Variants in C19orf38 observed in about 807,000 individuals in gnomAD.
C19orf38 encodes chromosome 19 open reading frame 38.
A neutral mutation model predicts 26.6 loss-of-function variants in C19orf38; 14 were observed. That is an observed-to-expected ratio of 0.53 (90% CI 0.35 to 0.82). The LOEUF is 0.82. Among genes scored for constraint, C19orf38 ranks in the 40% least tolerant of loss-of-function variants. The pLI is 0.01. For synonymous variants in C19orf38, 132 were observed against 128.5 expected (o/e 1.03, Z -0.18); for missense variants, 261 against 299.5 (o/e 0.87, Z 0.95).
At chr19:10,864,626 C>G (rs774243886) in intron 6 of C19orf38, among the ~76,000 whole-genome samples, 3 of 152,056 alleles carry the variant, frequency 2.0e-5, no homozygotes, top group Non-Finnish European at 4.4e-5. Context: ...TTGGGGAAAG[C>G]GGGGATCAGT....
In C19orf38 at chr19:10,848,451, C is replaced by T. The variant is rs2073535748; in HGVS notation, c.-58C>T. On this transcript the variant is annotated 5_prime_UTR_variant, in exon 1 of 7. Coordinates refer to ENST00000397820, the MANE Select transcript of C19orf38 (RefSeq NM_001136482.3). ...GATCTGGCCTCACAGGAGGAGTTGG[C>T]GGGGAGCCTTGGGCCCCTCTGGCCT... is the stretch of plus-strand genomic sequence containing the variant. 6.5e-6 allele frequency: 10 copies of T among 1,535,720 alleles called. No individual in the cohort carries two copies. The highest frequency in any genetic ancestry group is 3.9e-5 in the Admixed American group (2 of 50,902).
chr19:10,861,937 C>T (rs1014817806), intron 5 of C19orf38, among the ~76,000 whole-genome samples: 1 of 151,890 alleles, frequency 6.6e-6, no homozygotes, highest in Non-Finnish European at 1.5e-5. Flanking sequence ...CTCACTCTGT[C>T]GCCCAGGCTG....
intron 6 of C19orf38, among the ~76,000 whole-genome samples, chr19:10,868,762 T>A (rs1256839638): frequency 6.6e-6 from 1 of 152,186 alleles, no homozygotes; most frequent in Non-Finnish European, 1.5e-5. Flanking sequence ...CACCTCGGTC[T>A]CCCAAAGTGC....
chr19:10,851,931 G>T (rs2073576419), intron 2 of C19orf38, among the ~76,000 whole-genome samples: 1 of 148,516 alleles, frequency 6.7e-6, no homozygotes, highest in Non-Finnish European at 1.5e-5. Flanking sequence ...TTGCGCCACT[G>T]CAGTCCGCAG....
chr19:10,869,384 A>C lies in C19orf38; in HGVS notation c.*17A>C, dbSNP rs1599676212. On this transcript the variant is annotated 3_prime_UTR_variant, in exon 7 of 7. Transcript: ENST00000397820. ...TGCCAGTGAGGCTGAGGACTGGGGGACCCCTCTGTCTCCAGGCATTCGGGG... is the reference window on the plus strand; with the variant it reads ...TGCCAGTGAGGCTGAGGACTGGGGGCCCCCTCTGTCTCCAGGCATTCGGGG... 1 of 1,540,614 alleles carries C rather than the reference A, an allele frequency of 6.5e-7. No individual in the cohort carries two copies. The highest frequency in any genetic ancestry group is 8.8e-7 in the Non-Finnish European group (1 of 1,142,174).
At chr19:10,856,406 G>T in intron 3 of C19orf38, 49 bp downstream of exon 3, 1 of 1,455,842 alleles carries the variant, frequency 6.9e-7, no homozygotes, top group South Asian at 1.2e-5. Context: ...GACAACTTCT[G>T]GAACGTGAAG....
upstream of C19orf38, among the ~76,000 whole-genome samples, chr19:10,844,256 T>C (rs138978524): frequency 0.016 from 2,338 of 146,552 alleles, 29 homozygotes; most frequent in South Asian, 0.02. Context: ...AATACAAAAA[T>C]TAGCCAGGCA....
chr19:10,848,230 C>T (rs2073533902), upstream of C19orf38, among the ~76,000 whole-genome samples: 1 of 152,064 alleles, frequency 6.6e-6, no homozygotes. Flanking sequence ...ATTGTGAAAA[C>T]CACCTAAACA....
At chr19:10,846,862 G>A (rs182852965), upstream of C19orf38, among the ~76,000 whole-genome samples, 149 of 152,326 alleles carry the variant, frequency 9.8e-4, 1 homozygote, top group Admixed American at 9.4e-3. Context: ...TCTAAGTCCA[G>A]AGGGGCCTGG....
chr19:10,858,412 G>T (rs1230592378), intron 4 of C19orf38, 69 bp downstream of exon 4: 1 of 1,423,958 alleles, frequency 7.0e-7, no homozygotes, highest in Non-Finnish European at 9.6e-7. Context: ...GGCAGGGTGG[G>T]CACTCCATGC....
upstream of C19orf38, among the ~76,000 whole-genome samples, chr19:10,843,691 G>GT (rs1016541827): frequency 5.3e-5 from 8 of 152,054 alleles, no homozygotes; most frequent in East Asian, 1.9e-4. Context: ...TTGAATGGAT[G>GT]TTTTTTTTCG....
At chr19:10,845,822 T>C (rs1269095911), upstream of C19orf38, among the ~76,000 whole-genome samples, 2 of 145,218 alleles carry the variant, frequency 1.4e-5, no homozygotes, top group Admixed American at 1.4e-4. Context: ...GAGCTTGCAG[T>C]GAGCCGAGAT....
At chr19:10,865,551 G>A (rs1446895822) in intron 6 of C19orf38, among the ~76,000 whole-genome samples, 1 of 152,052 alleles carries the variant, frequency 6.6e-6, no homozygotes, top group Non-Finnish European at 1.5e-5. Context: ...AAGATTGCTT[G>A]AGCCTGGGAG....
chr19:10,869,333 C>A lies in C19orf38; in HGVS notation c.659C>A (p.Thr220Asn), dbSNP rs1363030479. ...ACTTCCACGTCCTCCTCGCCTGAGACCCCCGAATTCAGCACTTTCCGGGCC... is the reference window on the plus strand; with the variant it reads ...ACTTCCACGTCCTCCTCGCCTGAGAACCCCGAATTCAGCACTTTCCGGGCC... Reference protein sequence around the residue: ...RPTSTSSSPETPEFSTFRACQ With the variant: ...RPTSTSSSPENPEFSTFRACQ Residue 220 changes from threonine to asparagine, a missense_variant, in exon 7 of 7, where the codon ACC becomes AAC. Thr to Asn is a moderately conservative substitution (Grantham distance 65, BLOSUM62 0). Coordinates refer to ENST00000397820, the MANE Select transcript of C19orf38 (RefSeq NM_001136482.3). The A allele has an allele frequency of 1.3e-6, 2 of 1,551,296 alleles. No homozygotes were observed.
intron 1 of C19orf38, among the ~76,000 whole-genome samples, chr19:10,838,133 G>T (rs992827546): frequency 1.3e-5 from 2 of 152,116 alleles, no homozygotes; most frequent in African/African-American, 4.8e-5. Flanking sequence ...TTTTAAGGCC[G>T]GGTGTGGTGG....
At chr19:10,846,749 G>A (rs1408546469), upstream of C19orf38, among the ~76,000 whole-genome samples, 1 of 152,162 alleles carries the variant, frequency 6.6e-6, no homozygotes, top group Admixed American at 6.5e-5. Context: ...CAATACATTT[G>A]ACAACTCTGA....
chr19:10,850,765 C>G (rs1371676806), intron 2 of C19orf38, among the ~76,000 whole-genome samples, 198 bp downstream of exon 2: 1 of 152,200 alleles, frequency 6.6e-6, no homozygotes, highest in Admixed American at 6.5e-5. Context: ...AGTCAGCTCA[C>G]AGGGCCGACT....
intron 2 of C19orf38, 56 bp from the exon 3 acceptor site, chr19:10,856,209 G>A (rs1446152853): frequency 7.1e-7 from 1 of 1,409,940 alleles, no homozygotes; most frequent in Non-Finnish European, 9.8e-7. Flanking sequence ...GCTACTCAAA[G>A]GTAACCTGGA....
Position 10,869,235 on chromosome 19 carries a change from A to AG in C19orf38, c.562dup (p.Asp188GlyfsTer7). On this transcript the variant is annotated frameshift_variant, in exon 7 of 7. Transcript: ENST00000397820. LOFTEE classifies it low-confidence loss of function (END_TRUNC). ...GGACAAAGAAAACGATGCCAGAAGA[A>AG]GACCCGGCCACCTTGGATGATCACT... The AG allele has an allele frequency of 6.4e-7, 1 of 1,551,698 alleles. No individual in the cohort carries two copies. Among genetic ancestry groups the AG allele is most frequent in the Non-Finnish European group, 8.7e-7 (1 of 1,146,978 alleles).
Sources: gnomAD v4.1 joint callset for allele counts (sites outside exome capture counted in the v4.1 genomes callset) on GRCh38, gnomAD v4.1.1 for gene constraint, MANE v1.5 for transcripts, NCBI Gene and HGNC (gene_info 2026-07-23, HGNC 2026-07-21) for gene names.